Variants in PLA2G12A observed in about 807,000 individuals in gnomAD.
The protein encoded by PLA2G12A is group XIIA secretory phospholipase A2.
Under a neutral mutation model 16.0 loss-of-function variants are expected in PLA2G12A, and 11 were observed. The observed-to-expected ratio is 0.69, with a 90% CI of 0.43 to 1.13. PLA2G12A has a LOEUF of 1.13. Among genes scored for constraint, PLA2G12A ranks in the 50% most tolerant of loss-of-function variants. The pLI, the probability that PLA2G12A is intolerant of heterozygous loss-of-function variation, is 0.00. For missense variants in PLA2G12A, 214 were observed against 237.3 expected (o/e 0.90, Z 0.65); for synonymous variants, 77 against 93.8 (o/e 0.82, Z 1.03).
rs1730748898 is a variant in PLA2G12A, at chr4:109,712,351, TCTA to T, written c.*2023_*2025del. ...TTTAATCTGAACATAAAAAACTGTTTCTACTGATTTTTGTATAATTTGTGATCA... is the reference window on the plus strand; with the variant it reads ...TTTAATCTGAACATAAAAAACTGTTTCTGATTTTTGTATAATTTGTGATCA... On this transcript the variant is annotated 3_prime_UTR_variant, in exon 4 of 4. Transcript: ENST00000243501. The T allele has an allele frequency of 6.6e-6, 1 of 152,166 alleles. No individual in the cohort carries two copies. The allele number at this position is 152,166 out of a possible 1,614,324, so 9.4% of individuals were successfully genotyped here.
At chr4:109,724,842 T>G (rs1382010790) in intron 1 of PLA2G12A, among the ~76,000 whole-genome samples, 1 of 152,162 alleles carries the variant, frequency 6.6e-6, no homozygotes, top group African/African-American at 2.4e-5. Context: ...AAAAATCAAG[T>G]AATAAAGAGC....
rs1433457449 is a variant in PLA2G12A at position 109,714,135 on chromosome 4, A to G, written c.*242T>C. On this transcript the variant is annotated 3_prime_UTR_variant, in exon 4 of 4. Coordinates refer to ENST00000243501, the MANE Select transcript of PLA2G12A (RefSeq NM_030821.5). ...ACTTGTTTTTGATATTGGTCAAGAC[A>G]TTTGGCATACTAAGTAAGGGAGCAA... is the stretch of plus-strand genomic sequence containing the variant. 1 of 455,664 alleles carries G rather than the reference A, an allele frequency of 2.2e-6. No individual in the cohort carries two copies. The highest frequency in any genetic ancestry group is 4.0e-6 in the Non-Finnish European group (1 of 251,756). 28.2% of individuals were successfully genotyped at this position (455,664 alleles called of 1,614,324 possible). A position where few individuals can be genotyped will look rare whatever the true frequency, so the allele number is the denominator to read the frequency against.
intron 1 of PLA2G12A, among the ~76,000 whole-genome samples, chr4:109,727,610 G>A (rs1280332353): frequency 6.6e-6 from 1 of 151,966 alleles, no homozygotes; most frequent in African/African-American, 2.4e-5. Context: ...AGTAAATTTT[G>A]AGAAGCCTGT....
In PLA2G12A at chr4:109,713,092, T is replaced by C. The variant is rs1312209317; in HGVS notation, c.*1285A>G. On this transcript the variant is annotated 3_prime_UTR_variant, in exon 4 of 4. Transcript: ENST00000243501. ...ACTTACAAATAACCGCCTCTCCCTA[T>C]GCTGTCCTTCTCTGACTTTGAAAGT... 2 of 152,240 alleles carry C rather than the reference T, an allele frequency of 1.3e-5. No individual in the cohort carries two copies. The highest frequency in any genetic ancestry group is 2.4e-5 in the African/African-American group (1 of 41,460). The allele number at this position is 152,240 out of a possible 1,614,324, so 9.4% of individuals were successfully genotyped here. A position where few individuals can be genotyped will look rare whatever the true frequency, so the allele number is the denominator to read the frequency against.
At chr4:109,722,979 G>C (rs774865576) in intron 1 of PLA2G12A, among the ~76,000 whole-genome samples, 5 of 152,180 alleles carry the variant, frequency 3.3e-5, no homozygotes, top group Non-Finnish European at 7.3e-5. Context: ...TATCCGTTAA[G>C]AAACCCTGCT....
chr4:109,726,533 G>A (rs915999850), intron 1 of PLA2G12A, among the ~76,000 whole-genome samples: 3 of 151,974 alleles, frequency 2.0e-5, no homozygotes, highest in East Asian at 3.9e-4. Context: ...TCCTGCATGC[G>A]TCACCCTGCT....
chr4:109,720,586 AAAAAAAAAAAAAAAAAAAAT>A (rs1195828770), intron 1 of PLA2G12A, among the ~76,000 whole-genome samples: 2 of 56,172 alleles, frequency 3.6e-5, no homozygotes, highest in African/African-American at 1.9e-4. Context: ...AAAAAAAAAA[AAAAAAAAAAAAAAAAAAAAT>A]ATATATATAT....
rs1220902120 is a variant in PLA2G12A, at chr4:109,717,717, C to T, written c.286-4G>A. 1 of 1,613,258 alleles carries T rather than the reference C, an allele frequency of 6.2e-7. No individual in the cohort carries two copies. The highest frequency in any genetic ancestry group is 8.5e-7 in the Non-Finnish European group (1 of 1,179,390). ...GGGAAGGGATACCAATGTTAAGCTG[C>T]AAAAGGCATTTGGATGGATTACTGT... On this transcript the variant is annotated splice_polypyrimidine_tract_variant and splice_region_variant and intron_variant, in intron 2 of 3. Coordinates refer to ENST00000243501, the MANE Select transcript of PLA2G12A (RefSeq NM_030821.5).
At position 109,729,803 on chromosome 4, in the gene PLA2G12A, G is replaced by A. The variant is rs1333487599; in HGVS notation, c.7C>T (p.Leu3=). The change falls in exon 1 of 4, where the codon CTG becomes TTG. Residue 3 remains leucine, a synonymous_variant. Coordinates refer to ENST00000243501, the MANE Select transcript of PLA2G12A (RefSeq NM_030821.5). MA[L]LSRPALTLLL... is the part of the protein sequence containing the mutation. Reference sequence around the variant, plus strand: ...AGGGTGAGCGCGGGGCGCGAGAGCAGGGCCATGCGCGCAGCGCCGGGCTCT... The same window carrying A: ...AGGGTGAGCGCGGGGCGCGAGAGCAAGGCCATGCGCGCAGCGCCGGGCTCT... 1 of 1,550,462 alleles carries A rather than the reference G, an allele frequency of 6.4e-7. No individual in the cohort carries two copies. The highest frequency in any genetic ancestry group is 1.4e-5 in the African/African-American group (1 of 73,024).
At chr4:109,720,856 G>C (rs1377886978) in intron 1 of PLA2G12A, among the ~76,000 whole-genome samples, 1 of 151,556 alleles carries the variant, frequency 6.6e-6, no homozygotes, top group Non-Finnish European at 1.5e-5. Flanking sequence ...ATCACCTGAG[G>C]TCGAGAGTTC....
intron 2 of PLA2G12A, 100 bp from the exon 3 acceptor site, chr4:109,717,813 C>T: frequency 1.7e-6 from 2 of 1,156,584 alleles, no homozygotes; most frequent in South Asian, 2.9e-5. Context: ...ATAATGACTG[C>T]TGTATAGATA....
intron 3 of PLA2G12A, among the ~76,000 whole-genome samples, chr4:109,715,303 A>C (rs1730809093): frequency 6.6e-6 from 1 of 152,238 alleles, no homozygotes; most frequent in African/African-American, 2.4e-5. Flanking sequence ...AAAACATTTC[A>C]TTATGGCCAA....
rs116175985 is a variant in PLA2G12A at position 109,729,945 on chromosome 4, G to C, written c.-136C>G. On this transcript the variant is annotated 5_prime_UTR_variant, in exon 1 of 4. Transcript: ENST00000243501. ...AGCTCCATATCCACGCCTCCTTCCC[G>C]GCTGGCCCTCAGGATCTCGCTGTCT... 2.3e-3 allele frequency: 1,646 copies of C among 706,568 alleles called. 17 individuals are homozygous for C. In the African/African-American group the frequency reaches 0.025, roughly 11 times the overall value. The allele number at this position is 706,568 out of a possible 1,614,324, so 43.8% of individuals were successfully genotyped here.
Position 109,717,598 on chromosome 4 carries a change from T to C in PLA2G12A, c.401A>G (p.Lys134Arg). The change falls in exon 3 of 4, where the codon AAG becomes AGG. Residue 134 changes from lysine (K) to arginine (R), a missense_variant. By Grantham distance (26) the Lys-to-Arg change is conservative. Transcript: ENST00000243501. ...TGTTTTCTGTACATCTCGGCAGATC[T>C]TGGAGAGGCAATACTGGAATTCTTC... ...CDEEFQYCLS[K>R]ICRDVQKTLG... 1 of 1,613,992 alleles carries C rather than the reference T, an allele frequency of 6.2e-7. No homozygotes were observed. The highest frequency in any genetic ancestry group is 8.5e-7 in the Non-Finnish European group (1 of 1,179,850).
intron 1 of PLA2G12A, among the ~76,000 whole-genome samples, chr4:109,721,002 C>T (rs1277765060): frequency 6.6e-6 from 1 of 151,932 alleles, no homozygotes; most frequent in South Asian, 2.1e-4. Context: ...ACCTAGGAGG[C>T]GGAGGTTGTG....
chr4:109,722,601 A>T (rs1722825291), intron 1 of PLA2G12A, among the ~76,000 whole-genome samples: 1 of 152,184 alleles, frequency 6.6e-6, no homozygotes. Context: ...CAAATGCTAG[A>T]TCTTGGACTT....
chr4:109,729,543 C>A, intron 1 of PLA2G12A, 59 bp downstream of exon 1: 1 of 1,543,166 alleles, frequency 6.5e-7, no homozygotes, highest in South Asian at 1.2e-5. Flanking sequence ...CCTCCAGGAT[C>A]TCCGTCACCC....
intron 1 of PLA2G12A, among the ~76,000 whole-genome samples, chr4:109,728,977 A>T (rs1467529020): frequency 6.6e-6 from 1 of 152,230 alleles, no homozygotes; most frequent in African/African-American, 2.4e-5. Flanking sequence ...GAGAAAGTTC[A>T]AAAAATATTA....
intron 2 of PLA2G12A, 102 bp downstream of exon 2, chr4:109,718,581 A>G: frequency 1.1e-6 from 1 of 897,564 alleles, no homozygotes; most frequent in Non-Finnish European, 1.7e-6. Flanking sequence ...ACACCCAGCT[A>G]AATTATTTGT....
Sources: gnomAD v4.1 joint callset for allele counts (sites outside exome capture counted in the v4.1 genomes callset) on GRCh38, gnomAD v4.1.1 for gene constraint, MANE v1.5 for transcripts, NCBI Gene and HGNC (gene_info 2026-07-23, HGNC 2026-07-21) for gene names.